The following MACF1 variants were observed in gnomAD, a reference collection of about 807,000 sequenced individuals.
MACF1 encodes microtubule actin crosslinking factor 1.
MACF1 carries 193 observed loss-of-function variants against 854.8 expected under a neutral mutation model. That is an observed-to-expected ratio of 0.23 (90% CI 0.20 to 0.25). MACF1 has a LOEUF of 0.25. Among genes scored for constraint, MACF1 ranks in the 10% least tolerant of loss-of-function variants. The pLI, the probability that MACF1 is intolerant of heterozygous loss-of-function variation, is 1.00. For synonymous variants in MACF1, 3,185 were observed against 3,226.7 expected, an observed-to-expected ratio of 0.99 and a Z score of 0.44; for missense variants, 7,722 against 8,929.1, an observed-to-expected ratio of 0.86 and a Z score of 5.45.
rs1464366625 is a variant in MACF1, at chr1:39,332,074, G to A, written c.5486G>A (p.Ser1829Asn). The A allele has an allele frequency of 4.3e-6, 7 of 1,614,006 alleles. No homozygotes were observed. Among genetic ancestry groups the A allele is most frequent in the African/African-American group, 1.3e-5 (1 of 74,912 alleles). ...AGGCTAACAATAGATGAAGCAGTGA[G>A]CAATGATCTAGTAGCTGCTAAGATC... is the stretch of plus-strand genomic sequence containing the variant. Reference protein sequence around the residue: ...GQRLTIDEAVSNDLVAAKIAL... With the variant: ...GQRLTIDEAVNNDLVAAKIAL... Residue 1829 changes from serine to asparagine, a missense_variant, in exon 37 of 101, where the codon AGC becomes AAC. Coordinates refer to ENST00000564288, the MANE Select transcript of MACF1 (RefSeq NM_001394062.1).
intron 90 of MACF1, 110 bp downstream of exon 90, chr1:39,458,600 G>T: frequency 1.5e-6 from 2 of 1,364,550 alleles, no homozygotes; most frequent in Non-Finnish European, 2.0e-6. Context: ...AAACCGTGTT[G>T]GTTTTGAACC....
intron 87 of MACF1, 71 bp from the exon 88 acceptor site, chr1:39,453,636 C>T: frequency 7.5e-7 from 1 of 1,328,424 alleles, no homozygotes; most frequent in East Asian, 2.3e-5. Flanking sequence ...ATTTATCCCC[C>T]CTCAGTGTAA....
intron 95 of MACF1, among the ~76,000 whole-genome samples, chr1:39,467,052 G>A (rs1266933621): frequency 6.6e-6 from 1 of 152,104 alleles, no homozygotes; most frequent in South Asian, 2.1e-4. Flanking sequence ...TTGTTTTAAA[G>A]TTACAGTTGT....
intron 21 of MACF1, among the ~76,000 whole-genome samples, chr1:39,299,540 T>C (rs1158881909): frequency 6.6e-6 from 1 of 152,130 alleles, no homozygotes; most frequent in African/African-American, 2.4e-5. Flanking sequence ...GATTTGAGAG[T>C]TTCAATTTTG....
chr1:39,362,309 G>A lies in MACF1; in HGVS notation c.12771+632G>A, dbSNP rs186905973. ...CCTGTATCTCTGCATTGCTGCCTTC[G>A]CTTTATCCAGCTTTCTAACTTTTTC... is the stretch of plus-strand genomic sequence containing the variant. On this transcript the variant is annotated intron_variant, in intron 49 of 100. Transcript: ENST00000564288. Among the ~76,000 whole-genome samples, 3 of 152,180 alleles carry A rather than the reference G, an allele frequency of 2.0e-5. No homozygotes were observed. The East Asian group carries it at 5.8e-4, about 29-fold the overall frequency.
At chr1:39,190,266 G>A (rs1423796922) in intron 2 of MACF1, among the ~76,000 whole-genome samples, 1 of 150,744 alleles carries the variant, frequency 6.6e-6, no homozygotes, top group South Asian at 2.1e-4. Flanking sequence ...TCCCTCCTTC[G>A]CTGCCTCTCT....
In MACF1 at chr1:39,423,880, C is replaced by T. The variant is rs974528043; in HGVS notation, c.16150-148C>T. The stretch of plus-strand genomic sequence containing the variant: ...GAGTGGTGAGAACTGTGCTATATCT[C>T]CTGTTTTTGCCCCAAGGATGAAAAA... On this transcript the variant is annotated intron_variant, in intron 60 of 100. Coordinates refer to ENST00000564288, the MANE Select transcript of MACF1 (RefSeq NM_001394062.1). 5.0e-5 allele frequency: 28 copies of T among 563,882 alleles called. No individual in the cohort carries two copies. The African/African-American group carries it at 5.2e-4, about 10-fold the overall frequency. 34.9% of individuals were successfully genotyped at this position (563,882 alleles called of 1,614,324 possible). A position where few individuals can be genotyped will look rare whatever the true frequency, so the allele number is the denominator to read the frequency against.
chr1:39,393,690 C>T (rs1328984678), intron 58 of MACF1, among the ~76,000 whole-genome samples: 3 of 151,838 alleles, frequency 2.0e-5, no homozygotes, highest in African/African-American at 7.3e-5. Flanking sequence ...ATGCTGTGGT[C>T]CCAGCTTACA....
intron 97 of MACF1, among the ~76,000 whole-genome samples, chr1:39,471,822 A>AT (rs77628042): frequency 2.7e-4 from 40 of 149,924 alleles, no homozygotes; most frequent in African/African-American, 5.7e-4. Flanking sequence ...AATAGAACTC[A>AT]TTTTTTTTTT....
At chr1:39,237,138 A>G (rs926821686) in intron 2 of MACF1, among the ~76,000 whole-genome samples, 15 of 152,110 alleles carry the variant, frequency 9.9e-5, no homozygotes, top group Admixed American at 3.9e-4. Context: ...CTGCCCCCTA[A>G]ACACTGTGTA....
At chr1:39,257,491 A>T (rs981610679) in intron 5 of MACF1, 8 of 156,722 alleles carry the variant, frequency 5.1e-5, no homozygotes, top group African/African-American at 1.9e-4. Flanking sequence ...TTTAGCAGAG[A>T]CGGGGTTTCA....
At chr1:39,288,275 G>T (rs1645687839) in intron 15 of MACF1, among the ~76,000 whole-genome samples, 1 of 152,102 alleles carries the variant, frequency 6.6e-6, no homozygotes, top group Admixed American at 6.5e-5. Context: ...TAGGCGGGTG[G>T]ATCACAAGCT....
At chr1:39,172,059 C>T (rs1282689059) in intron 2 of MACF1, among the ~76,000 whole-genome samples, 3 of 152,212 alleles carry the variant, frequency 2.0e-5, no homozygotes, top group African/African-American at 7.2e-5. Flanking sequence ...TGAGTGTGCT[C>T]TGCCATCTTT....
intron 6 of MACF1, chr1:39,268,879 C>T (rs991248438): frequency 1.6e-6 from 2 of 1,289,392 alleles, no homozygotes; most frequent in African/African-American, 3.0e-5. Context: ...ATTGAAGAGA[C>T]TGAAACCCTA....
In MACF1 at chr1:39,205,128, GCAGGTAACT is replaced by G; in HGVS notation, c.107_109+6del. 1 of 703,012 alleles carries G rather than the reference GCAGGTAACT, an allele frequency of 1.4e-6. No homozygotes were observed. The highest frequency in any genetic ancestry group is 2.0e-5 in the Admixed American group (1 of 50,006). The allele number at this position is 703,012 out of a possible 1,614,324, so 43.5% of individuals were successfully genotyped here. A position where few individuals can be genotyped will look rare whatever the true frequency, so the allele number is the denominator to read the frequency against. ...CTGGAAGAGGCATGCCAGAGGTAGA[GCAGGTAACT>G]AACTGGTACCCAGTTATTCTTTAAA... On this transcript the variant is annotated splice_donor_variant and splice_donor_5th_base_variant and coding_sequence_variant and intron_variant, in exon 1 of 101. Coordinates refer to ENST00000564288, the MANE Select transcript of MACF1 (RefSeq NM_001394062.1). LOFTEE classifies it high-confidence loss of function.
intron 2 of MACF1, among the ~76,000 whole-genome samples, chr1:39,099,346 G>A (rs995210720): frequency 6.5e-4 from 99 of 152,240 alleles, no homozygotes; most frequent in Non-Finnish European, 4.6e-4. Context: ...TAGTAGAGAC[G>A]CGGTTTCACC....
intron 26 of MACF1, among the ~76,000 whole-genome samples, chr1:39,314,371 T>TGCACGATCTCCCTGG (rs958337232): frequency 6.6e-6 from 1 of 151,674 alleles, no homozygotes; most frequent in Non-Finnish European, 1.5e-5. Context: ...ATCGTGCCAT[T>TGCACGATCTCCCTGG]GCACTCCACC....
rs143425486 is a variant in MACF1, at chr1:39,471,207, A to G, written c.21958+1592A>G. Among the ~76,000 whole-genome samples the G allele has an allele frequency of 1.5e-3, 227 of 152,318 alleles. 3 individuals are homozygous for G. The highest frequency in any genetic ancestry group is 6.8e-3 in the Middle Eastern group (2 of 294). ...AGGATGAGCTATTTTTAATCAAATA[A>G]AAAATGGTGCTAGGCGATGAACACC... is the stretch of plus-strand genomic sequence containing the variant. On this transcript the variant is annotated intron_variant, in intron 97 of 100. Coordinates refer to ENST00000564288, the MANE Select transcript of MACF1 (RefSeq NM_001394062.1).
intron 44 of MACF1, among the ~76,000 whole-genome samples, chr1:39,356,376 A>ATT (rs370740349): frequency 0.022 from 3,133 of 143,966 alleles, 119 homozygotes; most frequent in African/African-American, 0.074. Flanking sequence ...AAGAACTTGC[A>ATT]TTTTTTTTTT....
Sources: gnomAD v4.1 joint callset for allele counts (sites outside exome capture counted in the v4.1 genomes callset) on GRCh38, gnomAD v4.1.1 for gene constraint, MANE v1.5 for transcripts, NCBI Gene and HGNC (gene_info 2026-07-23, HGNC 2026-07-21) for gene names.